The following SCN9A variants were observed in gnomAD, a reference collection of about 807,000 sequenced individuals.
The protein encoded by SCN9A is sodium channel protein type 9 subunit alpha.
SCN9A carries 131 observed loss-of-function variants against 187.0 expected under a neutral mutation model. The observed-to-expected ratio is 0.70, with a 90% CI of 0.61 to 0.81. The LOEUF (loss-of-function observed/expected upper bound fraction) is 0.81, where lower values mean the gene tolerates loss of function less well. SCN9A is among the 30% of genes least tolerant of loss of function. SCN9A has a pLI of 0.00. For synonymous variants in SCN9A, 809 were observed against 808.6 expected (o/e 1.00, Z -0.01); for missense variants, 2,252 against 2,396.6 (o/e 0.94, Z 1.26).
intron 17 of SCN9A, among the ~76,000 whole-genome samples, chr2:166,261,970 C>T (rs1427815772): frequency 6.6e-6 from 1 of 151,910 alleles, no homozygotes; most frequent in Admixed American, 6.6e-5. Context: ...TCTGTAATAA[C>T]ATAATAAGTC....
intron 1 of SCN9A, among the ~76,000 whole-genome samples, chr2:166,351,886 T>C (rs1700041667): frequency 6.6e-6 from 1 of 152,156 alleles, no homozygotes; most frequent in Admixed American, 6.5e-5. Flanking sequence ...TAAGAATATG[T>C]TTATGTGCAA....
chr2:166,337,041 G>C (rs914545292), intron 1 of SCN9A, among the ~76,000 whole-genome samples: 2 of 152,062 alleles, frequency 1.3e-5, no homozygotes, highest in Non-Finnish European at 2.9e-5. Flanking sequence ...TTTTCACATA[G>C]TCTAGAGGGT....
chr2:166,275,133 TG>T (rs1363402969), intron 16 of SCN9A, among the ~76,000 whole-genome samples: 2 of 152,112 alleles, frequency 1.3e-5, no homozygotes, highest in African/African-American at 4.8e-5. Flanking sequence ...AAATATTGAG[TG>T]GAAAATGTGG....
chr2:166,318,764 C>T (rs948159191), intron 1 of SCN9A, among the ~76,000 whole-genome samples: 5 of 152,002 alleles, frequency 3.3e-5, no homozygotes, highest in South Asian at 2.1e-4. Flanking sequence ...GTGCTAGAAA[C>T]GTTCTATACC....
At chr2:166,342,746 T>C (rs994078266) in intron 1 of SCN9A, among the ~76,000 whole-genome samples, 1 of 152,226 alleles carries the variant, frequency 6.6e-6, no homozygotes, top group South Asian at 2.1e-4. Flanking sequence ...ATTTTATCAT[T>C]ATTTTTTAAA....
At chr2:166,345,483 C>G (rs1390948968) in intron 1 of SCN9A, among the ~76,000 whole-genome samples, 3 of 151,752 alleles carry the variant, frequency 2.0e-5, no homozygotes, top group Non-Finnish European at 2.9e-5. Context: ...CTTTTGAAAA[C>G]TTTCACCACG....
chr2:166,262,211 A>G (rs894193613), intron 17 of SCN9A, among the ~76,000 whole-genome samples: 1 of 152,000 alleles, frequency 6.6e-6, no homozygotes, highest in Admixed American at 6.6e-5. Flanking sequence ...AATAATTTGC[A>G]TGAAAAAATA....
At chr2:166,229,091 C>T (rs942398981) in intron 21 of SCN9A, 119 bp from the exon 22 acceptor site, 1 of 750,960 alleles carries the variant, frequency 1.3e-6, no homozygotes, top group Non-Finnish European at 2.1e-6. Flanking sequence ...ATATCTAAGA[C>T]ATCAAACCAA....
chr2:166,198,890 T>A lies in SCN9A; in HGVS notation c.5749A>T (p.Ile1917Leu), dbSNP rs779790941. The A allele has an allele frequency of 6.2e-7, 1 of 1,613,700 alleles. No individual in the cohort carries two copies. Among genetic ancestry groups the A allele is most frequent in the Non-Finnish European group, 8.5e-7 (1 of 1,179,594 alleles). The change falls in exon 27 of 27, where the codon ATA (isoleucine) becomes TTA (leucine). Residue 1917 changes from isoleucine (I) to leucine (L), a missense_variant. Around this residue, in one of 7 missense-constraint regions of SCN9A, gnomAD observed 345 missense variants for 344.6 expected, o/e 1.00. Coordinates refer to ENST00000642356, the MANE Select transcript of SCN9A (RefSeq NM_001365536.1). The stretch of plus-strand genomic sequence containing the variant: ...TCATCATCTCTGTCTCCATCTTTTA[T>A]GTATATACTTGATATATTTTTGACA... The part of the protein sequence containing the change: ...QNVKNISSIY[I>L]KDGDRDDDLL...
chr2:166,219,448 C>T (rs1442961242), intron 24 of SCN9A, among the ~76,000 whole-genome samples: 1 of 152,080 alleles, frequency 6.6e-6, no homozygotes, highest in Non-Finnish European at 1.5e-5. Context: ...AGGCCATTTT[C>T]ATTAGTAAAC....
intron 1 of SCN9A, among the ~76,000 whole-genome samples, chr2:166,343,666 AG>A (rs1275978316): frequency 6.6e-6 from 1 of 152,076 alleles, no homozygotes; most frequent in African/African-American, 2.4e-5. Context: ...TGGGAGGCCG[AG>A]GGGAGTGGAT....
Position 166,272,788 on chromosome 2 carries a change from G to T in SCN9A, c.2962C>A (p.Leu988Ile). Residue 988 changes from leucine (L) to isoleucine (I), a missense_variant, in exon 17 of 27, where the codon CTC becomes ATC. Physicochemically the swap from Leu to Ile is conservative, Grantham distance 5. Transcript: ENST00000642356. Reference protein sequence around the residue: ...AIEEDPDANNLQIAVTRIKKG... With the variant: ...AIEEDPDANNIQIAVTRIKKG... The stretch of plus-strand genomic sequence containing the variant: ...TTAATTCTAGTCACTGCAATCTGGA[G>T]GTTGTTTGCATCAGGGTCTTCTTCA... 2 of 1,525,956 alleles carry T rather than the reference G, an allele frequency of 1.3e-6. No homozygotes were observed. The highest frequency in any genetic ancestry group is 1.8e-6 in the Non-Finnish European group (2 of 1,141,132). The allele number at this position is 1,525,956 out of a possible 1,614,324, so 94.5% of individuals were successfully genotyped here.
chr2:166,333,688 T>A (rs1432224756), intron 1 of SCN9A, among the ~76,000 whole-genome samples: 1 of 152,070 alleles, frequency 6.6e-6, no homozygotes, highest in African/African-American at 2.4e-5. Context: ...CTACAACTTT[T>A]AAAAATATTT....
At chr2:166,307,130 A>G (rs1415594545) in intron 2 of SCN9A, 56 bp from the exon 3 acceptor site, 5 of 995,314 alleles carry the variant, frequency 5.0e-6, no homozygotes, top group African/African-American at 3.2e-5. Context: ...AATTTTTCAC[A>G]TCAATATCAG....
intron 1 of SCN9A, among the ~76,000 whole-genome samples, chr2:166,326,611 GAT>G (rs1699369853): frequency 6.6e-6 from 1 of 152,164 alleles, no homozygotes; most frequent in Admixed American, 6.5e-5. Flanking sequence ...GGCAAGCTTA[GAT>G]ATATGATGAT....
rs199986805 is a variant in SCN9A at position 166,288,543 on chromosome 2, A to T, written c.1208T>A (p.Met403Lys). 6.2e-7 allele frequency: 1 copy of T among 1,613,124 alleles called. No individual in the cohort carries two copies. Among genetic ancestry groups the T allele is most frequent in the South Asian group, 1.1e-5 (1 of 91,000 alleles). Residue 403 changes from methionine (M) to lysine (K), a missense_variant, in exon 10 of 27, where the codon ATG becomes AAG. Physicochemically the swap from Met to Lys is moderately conservative, Grantham distance 95. Transcript: ENST00000642356. The part of the protein sequence containing the change: ...LINLILAVVA[M>K]AYEEQNQANI... ...TGCCTGGTTCTGTTCTTCATATGCCATGGCAACCACAGCCAGGATCAAGTT... is the reference window on the plus strand; with the variant it reads ...TGCCTGGTTCTGTTCTTCATATGCCTTGGCAACCACAGCCAGGATCAAGTT...
At chr2:166,295,263 G>T (rs1316475542) in intron 7 of SCN9A, among the ~76,000 whole-genome samples, 1 of 152,316 alleles carries the variant, frequency 6.6e-6, no homozygotes, top group African/African-American at 2.4e-5. Context: ...GTAGGCAGGG[G>T]CCGGATCATG....
chr2:166,320,294 A>G (rs1242218209), intron 1 of SCN9A, among the ~76,000 whole-genome samples: 1 of 152,130 alleles, frequency 6.6e-6, no homozygotes, highest in Non-Finnish European at 1.5e-5. Flanking sequence ...ATAAAAGAAG[A>G]TATTATACCT....
intron 18 of SCN9A, among the ~76,000 whole-genome samples, chr2:166,245,854 C>A (rs1291612695): frequency 6.6e-6 from 1 of 151,964 alleles, no homozygotes; most frequent in Non-Finnish European, 1.5e-5. Context: ...GTTGTATGTT[C>A]TAAAACAACA....
Sources: allele counts gnomAD v4.1 joint callset (sites outside exome capture counted in the v4.1 genomes callset), GRCh38; gene constraint gnomAD v4.1.1; regional missense constraint gnomAD v4.1.1; transcripts MANE v1.5; gene names NCBI Gene and HGNC (gene_info 2026-07-23, HGNC 2026-07-21).